Variants in PDZD2 observed in about 807,000 individuals in gnomAD.
PDZD2 encodes PDZ domain-containing protein 2.
PDZD2 carries 90 observed loss-of-function variants against 220.7 expected under a neutral mutation model. The ratio of observed to expected loss-of-function variants is 0.41; its 90% CI spans 0.34 to 0.49. The LOEUF is 0.49. PDZD2 is among the 20% of genes least tolerant of loss of function. The probability of loss-of-function intolerance (pLI) is 0.28; values close to 1 mark genes in which losing one functional copy is unlikely to be tolerated. For missense variants in PDZD2, 3,174 were observed against 3,608.5 expected (o/e 0.88, Z 3.08); for synonymous variants, 1,375 against 1,450.5 (o/e 0.95, Z 1.18).
intron 2 of PDZD2, chr5:31,923,366 C>T: frequency 8.4e-7 from 1 of 1,190,124 alleles, no homozygotes; most frequent in South Asian, 1.2e-5. Context: ...CGGCCATCGC[C>T]ATGGTGAAGC....
chr5:31,669,678 A>G (rs956693124), intron 1 of PDZD2, among the ~76,000 whole-genome samples: 2 of 152,190 alleles, frequency 1.3e-5, no homozygotes, highest in African/African-American at 4.8e-5. Flanking sequence ...AATCAACAGG[A>G]AAAATTATTA....
rs368412363 is a variant in PDZD2, at chr5:31,936,964, G to A, written c.477-46191G>A. ...AATCCTGAATATTTGTCATGGAGTGGGGGGAGTGCAGAGGGTTGGAAACTG... is the reference window on the plus strand; with the variant it reads ...AATCCTGAATATTTGTCATGGAGTGAGGGGAGTGCAGAGGGTTGGAAACTG... On this transcript the variant is annotated intron_variant, in intron 2 of 24. Transcript: ENST00000438447. Among the ~76,000 whole-genome samples, 3 of 152,298 alleles carry A rather than the reference G, an allele frequency of 2.0e-5. No homozygotes were observed. The East Asian group carries it at 5.8e-4, about 29-fold the overall frequency.
chr5:32,007,710 G>A lies in PDZD2; in HGVS notation c.1255-2620G>A, dbSNP rs139338503. ...ATTAAATATGATTAAGACGTTCTGTGTGTTTCCTTCCTTGTGGAAATGGCC... is the reference window on the plus strand; with the variant it reads ...ATTAAATATGATTAAGACGTTCTGTATGTTTCCTTCCTTGTGGAAATGGCC... On this transcript the variant is annotated intron_variant, in intron 5 of 24. Transcript: ENST00000438447. 3.5e-3 allele frequency among the ~76,000 whole-genome samples: 534 copies of A among 152,332 alleles called. 2 individuals are homozygous for A. The highest frequency in any genetic ancestry group is 0.012 in the African/African-American group (515 of 41,584).
At chr5:31,953,732 G>A (rs962311442) in intron 2 of PDZD2, among the ~76,000 whole-genome samples, 12 of 150,196 alleles carry the variant, frequency 8.0e-5, no homozygotes, top group African/African-American at 2.2e-4. Flanking sequence ...TCGGCTCACC[G>A]CAACCTCTGC....
At chr5:31,979,962 A>C (rs1750154462) in intron 2 of PDZD2, among the ~76,000 whole-genome samples, 1 of 152,214 alleles carries the variant, frequency 6.6e-6, no homozygotes, top group Non-Finnish European at 1.5e-5. Flanking sequence ...GCACCTACTC[A>C]AAGAATGAAC....
chr5:31,801,476 T>C (rs896173761), intron 2 of PDZD2, among the ~76,000 whole-genome samples: 1 of 152,086 alleles, frequency 6.6e-6, no homozygotes, highest in Non-Finnish European at 1.5e-5. Flanking sequence ...GAGCTGGAGA[T>C]AGTTCTTTGA....
chr5:31,955,540 A>G (rs1313530625), intron 2 of PDZD2, among the ~76,000 whole-genome samples: 1 of 152,004 alleles, frequency 6.6e-6, no homozygotes, highest in Non-Finnish European at 1.5e-5. Flanking sequence ...ACCTCAGGTG[A>G]TCTGCCCCAC....
intron 2 of PDZD2, among the ~76,000 whole-genome samples, chr5:31,860,837 A>C (rs1240690248): frequency 6.6e-6 from 1 of 152,094 alleles, no homozygotes; most frequent in Non-Finnish European, 1.5e-5. Context: ...TGTGTGGATA[A>C]CTGTACAGCA....
At chr5:31,890,489 A>G (rs1367508450) in intron 2 of PDZD2, among the ~76,000 whole-genome samples, 1 of 152,168 alleles carries the variant, frequency 6.6e-6, no homozygotes, top group Admixed American at 6.5e-5. Flanking sequence ...TGAAGAAACC[A>G]AATGAATGGT....
intron 1 of PDZD2, among the ~76,000 whole-genome samples, chr5:31,710,455 C>T (rs1393305268): frequency 6.6e-6 from 1 of 152,142 alleles, no homozygotes; most frequent in African/African-American, 2.4e-5. Context: ...CAAATTCCGG[C>T]TCTGCAGCTT....
At chr5:31,876,209 G>A (rs749078419) in intron 2 of PDZD2, among the ~76,000 whole-genome samples, 46 of 151,904 alleles carry the variant, frequency 3.0e-4, no homozygotes, top group Middle Eastern at 3.4e-3. Context: ...TACTATACCA[G>A]CCAGTGTTTT....
intron 1 of PDZD2, among the ~76,000 whole-genome samples, chr5:31,672,207 A>G (rs1013109505): frequency 6.6e-6 from 1 of 152,174 alleles, no homozygotes. Context: ...ACTTGAATGT[A>G]TGTAGGAATC....
intron 2 of PDZD2, among the ~76,000 whole-genome samples, chr5:31,880,780 CTTTTTTTTTTCTTTTTTT>C (rs1739794946): frequency 9.4e-5 from 4 of 42,774 alleles, no homozygotes; most frequent in Non-Finnish European, 2.1e-4. Context: ...AGGTAGCTTT[CTTTTTTTTTTCTTTTTTT>C]TTTTTTTTTT....
At chr5:31,727,654 C>T (rs1156826437) in intron 1 of PDZD2, among the ~76,000 whole-genome samples, 2 of 141,652 alleles carry the variant, frequency 1.4e-5, no homozygotes, top group African/African-American at 5.3e-5. Context: ...GAGCCGAGAT[C>T]GTGCCATTGC....
chr5:31,651,642 A>ATTTTT (rs777693595), intron 1 of PDZD2, among the ~76,000 whole-genome samples: 102 of 151,448 alleles, frequency 6.7e-4, no homozygotes, highest in African/African-American at 2.1e-3. Context: ...TTATTTATTT[A>ATTTTT]TTTTTTTGAG....
At chr5:31,879,694 G>A (rs1424468069) in intron 2 of PDZD2, among the ~76,000 whole-genome samples, 1 of 151,870 alleles carries the variant, frequency 6.6e-6, no homozygotes, top group Non-Finnish European at 1.5e-5. Context: ...AGATTTATAA[G>A]GATTGGAGAA....
At chr5:31,746,925 C>A (rs1294303500) in intron 1 of PDZD2, among the ~76,000 whole-genome samples, 2 of 152,240 alleles carry the variant, frequency 1.3e-5, no homozygotes, top group South Asian at 4.1e-4. Flanking sequence ...CCTGTAATCT[C>A]AGCACTTTGG....
intron 1 of PDZD2, among the ~76,000 whole-genome samples, chr5:31,676,780 CTGATGTCAGGTGA>C (rs1213948231): frequency 6.6e-6 from 1 of 151,976 alleles, no homozygotes; most frequent in South Asian, 2.1e-4. Flanking sequence ...TCTCCAGCTC[CTGATGTCAGGTGA>C]TCTGCCCGCC....
intron 24 of PDZD2, among the ~76,000 whole-genome samples, chr5:32,107,714 G>GTATC (rs1405399250): frequency 2.0e-5 from 3 of 152,302 alleles, no homozygotes; most frequent in East Asian, 1.9e-4. Context: ...TACATAGAGA[G>GTATC]TATCTTCCCC....
Sources: gnomAD v4.1 joint callset for allele counts (sites outside exome capture counted in the v4.1 genomes callset) on GRCh38, gnomAD v4.1.1 for gene constraint, MANE v1.5 for transcripts, NCBI Gene and HGNC (gene_info 2026-07-23, HGNC 2026-07-21) for gene names.